The following LRRFIP1 variants were observed in gnomAD, a reference collection of about 807,000 sequenced individuals.
LRRFIP1 encodes the protein leucine-rich repeat flightless-interacting protein 1.
Under a neutral mutation model 104.4 loss-of-function variants are expected in LRRFIP1, and 62 were observed. That is an observed-to-expected ratio of 0.59 (90% CI 0.48 to 0.73). The LOEUF is 0.73. Among genes scored for constraint, LRRFIP1 ranks in the 30% least tolerant of loss-of-function variants. The pLI, the probability that LRRFIP1 is intolerant of heterozygous loss-of-function variation, is 0.00. For missense variants in LRRFIP1, 796 were observed against 824.5 expected, an observed-to-expected ratio of 0.97 and a Z score of 0.42; for synonymous variants, 300 against 299.0, an observed-to-expected ratio of 1.00 and a Z score of -0.03.
intron 1 of LRRFIP1, among the ~76,000 whole-genome samples, chr2:237,639,330 C>T (rs577304983): frequency 2.0e-5 from 3 of 152,330 alleles, no homozygotes; most frequent in African/African-American, 4.8e-5. Flanking sequence ...GAATGGCTGT[C>T]GCTGTAAATA....
intron 19 of LRRFIP1, among the ~76,000 whole-genome samples, chr2:237,767,926 T>C (rs59864071): frequency 0.014 from 2,141 of 152,340 alleles, 54 homozygotes; most frequent in East Asian, 0.082. Flanking sequence ...AGTGTGATAG[T>C]TGTACGTGGA....
At chr2:237,636,097 CA>C (rs58896300) in intron 1 of LRRFIP1, among the ~76,000 whole-genome samples, 7,770 of 127,006 alleles carry the variant, frequency 0.061, 454 homozygotes, top group African/African-American at 0.17. Context: ...AACTCTGTCT[CA>C]AAAAAAAAAA....
At chr2:237,630,832 G>A (rs2082241318) in intron 1 of LRRFIP1, among the ~76,000 whole-genome samples, 1 of 152,256 alleles carries the variant, frequency 6.6e-6, no homozygotes, top group African/African-American at 2.4e-5. Flanking sequence ...TCATCCTCAG[G>A]CTGACTTGCT....
intron 7 of LRRFIP1, among the ~76,000 whole-genome samples, chr2:237,727,537 A>G (rs1057031225): frequency 2.0e-5 from 3 of 152,228 alleles, no homozygotes; most frequent in Non-Finnish European, 1.5e-5. Flanking sequence ...CAGAGCCACC[A>G]TAAAACCAGA....
chr2:237,641,889 G>T (rs184882252), intron 1 of LRRFIP1, among the ~76,000 whole-genome samples: 1 of 152,276 alleles, frequency 6.6e-6, no homozygotes, highest in East Asian at 1.9e-4. Context: ...GACTTCCAGG[G>T]CGTCGTCTTA....
chr2:237,663,972 C>T (rs1010117033), intron 1 of LRRFIP1, among the ~76,000 whole-genome samples: 8 of 152,136 alleles, frequency 5.3e-5, no homozygotes, highest in African/African-American at 1.9e-4. Context: ...CCCCGGGAAC[C>T]TCAGAAACAA....
Position 237,780,389 on chromosome 2 carries a change from G to T in LRRFIP1, c.*857G>T, listed in dbSNP as rs2061407186. 1 of 151,724 alleles carries T rather than the reference G, an allele frequency of 6.6e-6. No homozygotes were observed. The highest frequency in any genetic ancestry group is 1.5e-5 in the Non-Finnish European group (1 of 67,956). The allele number at this position is 151,724 out of a possible 1,614,324, so 9.4% of individuals were successfully genotyped here. On this transcript the variant is annotated 3_prime_UTR_variant, in exon 24 of 24. Transcript: ENST00000308482. The stretch of plus-strand genomic sequence containing the variant: ...CATATTAATGGTTCTGTATATTTTG[G>T]GTCATCTTTTTATTTTTTAAGAATA...
At chr2:237,750,335 T>C (rs2058447520) in intron 13 of LRRFIP1, among the ~76,000 whole-genome samples, 2 of 134,386 alleles carry the variant, frequency 1.5e-5, no homozygotes, top group African/African-American at 2.7e-5. Context: ...TCTTTTTTTT[T>C]TTTTTTTTTT....
rs1394762434 is a variant in LRRFIP1 at position 237,661,584 on chromosome 2, C to T, written c.96+33844C>T. 6.6e-6 allele frequency among the ~76,000 whole-genome samples: 1 copy of T among 152,218 alleles called. No homozygotes were observed. The highest frequency in any genetic ancestry group is 1.5e-5 in the Non-Finnish European group (1 of 68,044). ...ACTGCCCTATGTGCATCTCTGTCCT[C>T]ATCCATGAAACCATCCTTGTCCTCA... is the stretch of plus-strand genomic sequence containing the variant. On this transcript the variant is annotated intron_variant, in intron 1 of 23. Coordinates refer to ENST00000308482, the MANE Select transcript of LRRFIP1 (RefSeq NM_001137550.2). This position sits in a 1 kb window ranked among gnomAD's most constrained non-coding sequence, Gnocchi z 4.4.
At chr2:237,673,986 A>C (rs1056229078) in intron 1 of LRRFIP1, among the ~76,000 whole-genome samples, 1 of 152,144 alleles carries the variant, frequency 6.6e-6, no homozygotes. Context: ...TGAAGTTGTC[A>C]CTATTATTGT....
chr2:237,725,713 C>T (rs1288321202), intron 7 of LRRFIP1, among the ~76,000 whole-genome samples: 1 of 152,186 alleles, frequency 6.6e-6, no homozygotes, highest in Admixed American at 6.5e-5. Context: ...GGCTTTCCTG[C>T]AAAGTAACAG....
Position 237,714,353 on chromosome 2 carries a change from A to G in LRRFIP1, c.201+77A>G, listed in dbSNP as rs1468787275. 55 of 1,155,900 alleles carry G rather than the reference A, an allele frequency of 4.8e-5. 1 individual carries two copies. In the South Asian group the frequency reaches 6.1e-4, roughly 13 times the overall value. 71.6% of individuals were successfully genotyped at this position (1,155,900 alleles called of 1,614,324 possible). ...CCAAGGGCCTGGTCACCTTTCAGAA[A>G]TAACACCTTGCACTGAAGATACATA... On this transcript the variant is annotated intron_variant, in intron 3 of 23. Transcript: ENST00000308482.
chr2:237,740,033 C>T (rs1050821631), intron 11 of LRRFIP1, among the ~76,000 whole-genome samples: 1 of 152,040 alleles, frequency 6.6e-6, no homozygotes. Context: ...CGTTCCCACC[C>T]TCAAGAGCCA....
chr2:237,688,843 G>A (rs1477147730), intron 1 of LRRFIP1, among the ~76,000 whole-genome samples: 1 of 151,896 alleles, frequency 6.6e-6, no homozygotes, highest in Admixed American at 6.6e-5. Flanking sequence ...TTTTGTCTTC[G>A]AGGTGTATGA....
chr2:237,648,711 AC>A (rs1188501944), intron 1 of LRRFIP1, among the ~76,000 whole-genome samples: 1 of 130,014 alleles, frequency 7.7e-6, no homozygotes, highest in Non-Finnish European at 1.6e-5. Flanking sequence ...ATCCCCACCC[AC>A]CCCCAGCCCA....
In LRRFIP1 at chr2:237,711,357, A is replaced by AG. The variant is rs3835816; in HGVS notation, c.183+2731dup. ...CATGGTTTTATCATAAAGATATTTC[A>AG]GGGGTCACAGGGGTCAAGATATCTC... On this transcript the variant is annotated intron_variant, in intron 2 of 23. Transcript: ENST00000308482. The surrounding 1 kb of genome is among the most constrained non-coding windows in gnomAD (Gnocchi z 4.4). Among the ~76,000 whole-genome samples the AG allele has an allele frequency of 0.26, 39,075 of 152,206 alleles. 5,412 individuals are homozygous for AG. Among genetic ancestry groups the AG allele is most frequent in the African/African-American group, 0.36 (14,865 of 41,506 alleles).
At chr2:237,655,894 A>G (rs2086739871) in intron 1 of LRRFIP1, among the ~76,000 whole-genome samples, 1 of 152,242 alleles carries the variant, frequency 6.6e-6, no homozygotes, top group South Asian at 2.1e-4. Context: ...AAAGACTCAC[A>G]ATTCCACAAA....
intron 16 of LRRFIP1, 22 bp from the exon 17 acceptor site, chr2:237,757,434 T>C: frequency 2.0e-6 from 3 of 1,524,908 alleles, no homozygotes; most frequent in South Asian, 1.2e-5. Flanking sequence ...TTTATCTGCT[T>C]TCTGTCTGTT....
At chr2:237,635,440 T>A (rs1302089369) in intron 1 of LRRFIP1, among the ~76,000 whole-genome samples, 1 of 151,484 alleles carries the variant, frequency 6.6e-6, no homozygotes, top group Non-Finnish European at 1.5e-5. Flanking sequence ...TGGAAGCAGG[T>A]TGTCAAGTGC....
Sources: allele counts gnomAD v4.1 joint callset (sites outside exome capture counted in the v4.1 genomes callset), GRCh38; gene constraint gnomAD v4.1.1; non-coding constraint Gnocchi (gnomAD v3.1); transcripts MANE v1.5; gene names NCBI Gene and HGNC (gene_info 2026-07-23, HGNC 2026-07-21).